FGF7: variants seen among roughly 807,000 people sequenced by gnomAD.
FGF7 encodes fibroblast growth factor 7.
In FGF7, 6 loss-of-function variants were observed where a neutral mutation model predicts 20.5. The observed-to-expected ratio is 0.29, with a 90% CI of 0.16 to 0.58. The LOEUF (loss-of-function observed/expected upper bound fraction) is 0.58. Ranked by LOEUF, FGF7 falls within the 20% of genes least tolerant of loss-of-function variation. The pLI, the probability that FGF7 is intolerant of heterozygous loss-of-function variation, is 0.90. For synonymous variants in FGF7, 64 were observed against 74.7 expected, an observed-to-expected ratio of 0.86 and a Z score of 0.74; for missense variants, 144 against 228.8, an observed-to-expected ratio of 0.63 and a Z score of 2.39.
At chr15:49,439,673 C>A (rs2051448076) in intron 2 of FGF7, among the ~76,000 whole-genome samples, 1 of 151,742 alleles carries the variant, frequency 6.6e-6, no homozygotes. Context: ...CTTATTGGAA[C>A]TGCTAATCTG....
chr15:49,481,763 C>T (rs1483273987), intron 2 of FGF7, among the ~76,000 whole-genome samples: 1 of 152,038 alleles, frequency 6.6e-6, no homozygotes, highest in African/African-American at 2.4e-5. Flanking sequence ...GATTAATATC[C>T]ATTCATTTGC....
intron 2 of FGF7, among the ~76,000 whole-genome samples, chr15:49,476,232 G>GTTTTTTT: frequency 0.01 from 575 of 56,864 alleles, 31 homozygotes; most frequent in Non-Finnish European, 0.013. Context: ...TTTGTTTTTG[G>GTTTTTTT]TTTTTTTTTT....
At chr15:49,476,544 A>G (rs1463625754) in intron 2 of FGF7, among the ~76,000 whole-genome samples, 1 of 152,086 alleles carries the variant, frequency 6.6e-6, no homozygotes, top group Non-Finnish European at 1.5e-5. Context: ...TCACAAAAAG[A>G]AGTTATCCAT....
intron 2 of FGF7, among the ~76,000 whole-genome samples, chr15:49,437,923 TC>T (rs1046725382): frequency 4.0e-5 from 6 of 151,542 alleles, no homozygotes; most frequent in African/African-American, 1.5e-4. Context: ...AGGGCAATAC[TC>T]TCAAAAAACA....
chr15:49,438,834 T>TGA (rs34026981), intron 2 of FGF7, among the ~76,000 whole-genome samples: 3 of 149,592 alleles, frequency 2.0e-5, no homozygotes, highest in South Asian at 2.1e-4. Flanking sequence ...GCTAAGCAAC[T>TGA]GAGAGAGAGA....
intron 2 of FGF7, among the ~76,000 whole-genome samples, chr15:49,448,188 T>C (rs1458173829): frequency 6.6e-6 from 1 of 151,806 alleles, no homozygotes; most frequent in East Asian, 1.9e-4. Flanking sequence ...CATAAATTAC[T>C]AGAACTTTCT....
At chr15:49,440,942 AACTGTAAC>A (rs1293689581) in intron 2 of FGF7, among the ~76,000 whole-genome samples, 10 of 151,796 alleles carry the variant, frequency 6.6e-5, no homozygotes, top group Non-Finnish European at 1.3e-4. Flanking sequence ...AGATGGAAAA[AACTGTAAC>A]AAGAAAACTC....
chr15:49,457,375 A>G (rs1321225328), intron 2 of FGF7, among the ~76,000 whole-genome samples: 1 of 152,030 alleles, frequency 6.6e-6, no homozygotes, highest in Non-Finnish European at 1.5e-5. Flanking sequence ...GGGTTATGAG[A>G]GATAACTTTT....
At chr15:49,468,395 A>T (rs577962970) in intron 2 of FGF7, among the ~76,000 whole-genome samples, 1 of 152,224 alleles carries the variant, frequency 6.6e-6, no homozygotes, top group South Asian at 2.1e-4. Context: ...TAATTTATCT[A>T]CTTGTGTTTC....
chr15:49,487,738 G>A lies in FGF7; in HGVS notation c.*3234G>A, dbSNP rs1189834227. The A allele has an allele frequency of 1.3e-5, 2 of 151,788 alleles. No homozygotes were observed. Among genetic ancestry groups the A allele is most frequent in the African/African-American group, 2.4e-5 (1 of 41,356 alleles). 9.4% of individuals were successfully genotyped at this position (151,788 alleles called of 1,614,324 possible). Reference sequence around the variant, plus strand: ...AATGCAAAGGGGGCCCACCACAGACGGAACATTTCTTTTCTCTTAAGACTC... The same window carrying A: ...AATGCAAAGGGGGCCCACCACAGACAGAACATTTCTTTTCTCTTAAGACTC... On this transcript the variant is annotated 3_prime_UTR_variant, in exon 4 of 4. Coordinates refer to ENST00000267843, the MANE Select transcript of FGF7 (RefSeq NM_002009.4).
chr15:49,473,589 G>T (rs2054982564), intron 2 of FGF7, among the ~76,000 whole-genome samples: 1 of 152,012 alleles, frequency 6.6e-6, no homozygotes, highest in Admixed American at 6.6e-5. Context: ...TTGGTCTCAC[G>T]TTTTGGAGGG....
In FGF7 at chr15:49,452,266, T is replaced by C. The variant is rs1411964772; in HGVS notation, c.286+27683T>C. ...TGGGGTTTCACTGTGTTGGCCAGGATGGTCTCGAACTCCTGACCTCAAGTT... is the reference window on the plus strand; with the variant it reads ...TGGGGTTTCACTGTGTTGGCCAGGACGGTCTCGAACTCCTGACCTCAAGTT... On this transcript the variant is annotated intron_variant, in intron 2 of 3. Coordinates refer to ENST00000267843, the MANE Select transcript of FGF7 (RefSeq NM_002009.4). Among the ~76,000 whole-genome samples, 4 of 152,274 alleles carry C rather than the reference T, an allele frequency of 2.6e-5. No individual in the cohort carries two copies. The East Asian group carries it at 7.7e-4, about 29-fold the overall frequency.
intron 2 of FGF7, among the ~76,000 whole-genome samples, chr15:49,481,059 CT>C (rs1208240788): frequency 6.6e-6 from 1 of 151,972 alleles, no homozygotes; most frequent in African/African-American, 2.4e-5. Flanking sequence ...CTCTTTTTAT[CT>C]AAAAGAAAAT....
rs538689353 is a variant in FGF7 at position 49,433,018 on chromosome 15, T to C, written c.286+8435T>C. 9.1e-4 allele frequency among the ~76,000 whole-genome samples: 138 copies of C among 151,638 alleles called. 5 individuals carry two copies. The South Asian group carries it at 0.027, about 30-fold the overall frequency. On this transcript the variant is annotated intron_variant, in intron 2 of 3. Coordinates refer to ENST00000267843, the MANE Select transcript of FGF7 (RefSeq NM_002009.4). Reference sequence around the variant, plus strand: ...AAATTTTTACTTTTCGAAAAAGTAGTTGGAGCAAAATTTGTTGCTATTTCA... The same window carrying C: ...AAATTTTTACTTTTCGAAAAAGTAGCTGGAGCAAAATTTGTTGCTATTTCA...
At chr15:49,432,832 C>T (rs1230208188) in intron 2 of FGF7, among the ~76,000 whole-genome samples, 1 of 151,452 alleles carries the variant, frequency 6.6e-6, no homozygotes, top group East Asian at 1.9e-4. Flanking sequence ...GAGTTCTGAG[C>T]AGATTTATAG....
At chr15:49,461,290 A>C (rs1279560432) in intron 2 of FGF7, among the ~76,000 whole-genome samples, 1 of 152,174 alleles carries the variant, frequency 6.6e-6, no homozygotes, top group East Asian at 1.9e-4. Context: ...AGAGCTAACA[A>C]TTTATTTTTT....
At chr15:49,480,563 C>T (rs1002489468) in intron 2 of FGF7, among the ~76,000 whole-genome samples, 17 of 149,008 alleles carry the variant, frequency 1.1e-4, no homozygotes, top group African/African-American at 4.2e-4. Context: ...CTCACTGCAG[C>T]CTCCGCCTTC....
intron 2 of FGF7, among the ~76,000 whole-genome samples, chr15:49,457,059 C>G (rs2053365385): frequency 1.3e-5 from 2 of 152,020 alleles, no homozygotes; most frequent in Non-Finnish European, 2.9e-5. Flanking sequence ...ATCATTTTTA[C>G]TACTACACCA....
intron 3 of FGF7, 30 bp from the exon 4 acceptor site, chr15:49,484,280 T>C: frequency 1.3e-6 from 2 of 1,510,146 alleles, no homozygotes; most frequent in Non-Finnish European, 1.8e-6. Context: ...ATCATTTGGA[T>C]AATGTCTGTT....
Sources: gnomAD v4.1 joint callset for allele counts (sites outside exome capture counted in the v4.1 genomes callset) on GRCh38, gnomAD v4.1.1 for gene constraint, MANE v1.5 for transcripts, NCBI Gene and HGNC (gene_info 2026-07-23, HGNC 2026-07-21) for gene names.